The following SPTLC3 variants were observed in gnomAD, a reference collection of about 807,000 sequenced individuals.
The protein encoded by SPTLC3 is serine palmitoyltransferase 3.
Under a neutral mutation model 59.3 loss-of-function variants are expected in SPTLC3, and 36 were observed. The observed-to-expected ratio is 0.61, with a 90% confidence interval of 0.47 to 0.80. SPTLC3 has a LOEUF of 0.80. Ranked by LOEUF, SPTLC3 falls within the 30% of genes least tolerant of loss-of-function variation. The pLI, the probability that SPTLC3 is intolerant of heterozygous loss-of-function variation, is 0.00. For synonymous variants in SPTLC3, 257 were observed against 240.8 expected (o/e 1.07, Z -0.62); for missense variants, 625 against 685.1 (o/e 0.91, Z 0.98).
Position 13,066,874 on chromosome 20 carries a change from C to G in SPTLC3, c.304-5382C>G, listed in dbSNP as rs1447549147. Among the ~76,000 whole-genome samples the G allele has an allele frequency of 7.9e-5, 12 of 151,126 alleles. No homozygotes were observed. In the East Asian group the frequency reaches 2.4e-3, roughly 30 times the overall value. ...AATCTGCCCTATATATATCTCTTGA[C>G]TTTCCCTTTATATTTTCTTTATCCT... On this transcript the variant is annotated intron_variant, in intron 2 of 11. Transcript: ENST00000399002.
intron 6 of SPTLC3, among the ~76,000 whole-genome samples, chr20:13,101,207 A>C (rs1989588396): frequency 6.6e-6 from 1 of 152,210 alleles, no homozygotes; most frequent in Non-Finnish European, 1.5e-5. Context: ...TAATCAGGCT[A>C]TGTTCCCACA....
chr20:13,149,445 T>C (rs2038593995), intron 9 of SPTLC3, among the ~76,000 whole-genome samples: 1 of 152,262 alleles, frequency 6.6e-6, no homozygotes, highest in South Asian at 2.1e-4. Context: ...AGTAGCGTTT[T>C]ATAGGTACAA....
At chr20:13,064,143 C>T (rs747046258) in intron 2 of SPTLC3, among the ~76,000 whole-genome samples, 1 of 151,418 alleles carries the variant, frequency 6.6e-6, no homozygotes, top group Non-Finnish European at 1.5e-5. Flanking sequence ...GATTCTCCTG[C>T]CTCAGCCTTC....
chr20:13,153,940 A>G, intron 9 of SPTLC3, 63 bp from the exon 10 acceptor site: 1 of 1,590,934 alleles, frequency 6.3e-7, no homozygotes. Flanking sequence ...TGCCAAGTTG[A>G]CCGGACCTTT....
At chr20:13,023,231 G>A (rs1178821403) in intron 1 of SPTLC3, among the ~76,000 whole-genome samples, 1 of 126,242 alleles carries the variant, frequency 7.9e-6, no homozygotes, top group African/African-American at 3.1e-5. Flanking sequence ...CTGCTTAATT[G>A]TTCTCTTTAG....
At chr20:13,029,938 G>T (rs1364569364) in intron 1 of SPTLC3, among the ~76,000 whole-genome samples, 4 of 152,176 alleles carry the variant, frequency 2.6e-5, no homozygotes, top group Non-Finnish European at 5.9e-5. Context: ...ACATGTGGCT[G>T]AATAGCAGTC....
At chr20:13,093,665 A>G in intron 6 of SPTLC3, 88 bp downstream of exon 6, 3 of 1,234,668 alleles carry the variant, frequency 2.4e-6, no homozygotes, top group Non-Finnish European at 3.5e-6. Flanking sequence ...CTGCTCTTCA[A>G]GGTGACAACG....
At position 13,060,665 on chromosome 20, in the gene SPTLC3, C is replaced by T. The variant is rs530708376; in HGVS notation, c.303+11535C>T. ...TTTACTCTCTACATCCATGTGTGTG[C>T]ATTATTCAGCTCCCACTTAGAAGTG... On this transcript the variant is annotated intron_variant, in intron 2 of 11. Transcript: ENST00000399002. Among the ~76,000 whole-genome samples, 6 of 120,780 alleles carry T rather than the reference C, an allele frequency of 5.0e-5. No individual in the cohort carries two copies. The South Asian group carries it at 1.4e-3, about 29-fold the overall frequency. The allele number at this position is 120,780 out of a possible 152,430, so 79.2% of individuals were successfully genotyped here.
intron 6 of SPTLC3, among the ~76,000 whole-genome samples, chr20:13,102,362 T>C (rs1416045872): frequency 6.6e-6 from 1 of 152,186 alleles, no homozygotes; most frequent in East Asian, 1.9e-4. Context: ...AACTACAAAA[T>C]GAATCACCTG....
chr20:13,084,719 G>C (rs1462278157), intron 4 of SPTLC3, among the ~76,000 whole-genome samples: 1 of 152,120 alleles, frequency 6.6e-6, no homozygotes, highest in Non-Finnish European at 1.5e-5. Context: ...GTCCTCATTA[G>C]TAAAATAAGG....
At chr20:13,094,425 G>A (rs192824462) in intron 6 of SPTLC3, among the ~76,000 whole-genome samples, 6 of 152,090 alleles carry the variant, frequency 3.9e-5, no homozygotes, top group South Asian at 2.1e-4. Context: ...ATGCACACAC[G>A]TGTACACACA....
intron 9 of SPTLC3, among the ~76,000 whole-genome samples, chr20:13,148,258 GGTTTT>G (rs2038561930): frequency 6.6e-6 from 1 of 152,162 alleles, no homozygotes. Flanking sequence ...TGACCCAGCT[GGTTTT>G]GTTTTAACAG....
intron 9 of SPTLC3, among the ~76,000 whole-genome samples, chr20:13,128,731 C>T (rs1600338406): frequency 6.6e-6 from 1 of 151,798 alleles, no homozygotes; most frequent in East Asian, 1.9e-4. Flanking sequence ...TGCTCTGTCA[C>T]CCAGGCTGAA....
intron 9 of SPTLC3, among the ~76,000 whole-genome samples, chr20:13,127,193 C>T (rs185473863): frequency 6.6e-6 from 1 of 152,330 alleles, no homozygotes; most frequent in Non-Finnish European, 1.5e-5. Flanking sequence ...AAGCTTCCAG[C>T]CATTTCTTTG....
At position 13,029,003 on chromosome 20, in the gene SPTLC3, A is replaced by G. The variant is rs148028394; in HGVS notation, c.117+19619A>G. ...CTGTGCCCTTTGCCTGTAACACTGT[A>G]CTCCCTTACACATCACAAAACCAGA... On this transcript the variant is annotated intron_variant, in intron 1 of 11. Transcript: ENST00000399002. Among the ~76,000 whole-genome samples, 5 of 152,212 alleles carry G rather than the reference A, an allele frequency of 3.3e-5. No individual in the cohort carries two copies. In the South Asian group the frequency reaches 6.2e-4, roughly 19 times the overall value.
chr20:13,015,625 G>C (rs968035004), intron 1 of SPTLC3, among the ~76,000 whole-genome samples: 4 of 152,130 alleles, frequency 2.6e-5, no homozygotes, highest in African/African-American at 9.6e-5. Context: ...ACATATTTTT[G>C]AGCCAGACAA....
intron 1 of SPTLC3, among the ~76,000 whole-genome samples, chr20:13,034,454 TG>T (rs932036657): frequency 6.4e-4 from 97 of 152,316 alleles, no homozygotes; most frequent in African/African-American, 2.3e-3. Context: ...AAACTCTTTT[TG>T]TTGATGGCCA....
intron 9 of SPTLC3, among the ~76,000 whole-genome samples, chr20:13,141,523 G>A (rs1160885778): frequency 1.3e-5 from 2 of 152,150 alleles, no homozygotes; most frequent in East Asian, 3.8e-4. Context: ...AGGACATGGT[G>A]TTTGCTCCAT....
At chr20:13,057,961 C>T (rs1187294038) in intron 2 of SPTLC3, among the ~76,000 whole-genome samples, 2 of 152,204 alleles carry the variant, frequency 1.3e-5, no homozygotes, top group African/African-American at 2.4e-5. Flanking sequence ...TACAGGTCCG[C>T]ATTTCTCAAG....
Sources: gnomAD v4.1 joint callset for allele counts (sites outside exome capture counted in the v4.1 genomes callset) on GRCh38, gnomAD v4.1.1 for gene constraint, MANE v1.5 for transcripts, NCBI Gene and HGNC (gene_info 2026-07-23, HGNC 2026-07-21) for gene names.